Variants in UTRN observed in about 807,000 individuals in gnomAD.
The protein encoded by UTRN is utrophin, also known as dystrophin-related protein 1.
Under a neutral mutation model 463.9 loss-of-function variants are expected in UTRN, and 283 were observed. The observed-to-expected ratio is 0.61, with a 90% CI of 0.55 to 0.67. The LOEUF (loss-of-function observed/expected upper bound fraction) is 0.67, where lower values mean the gene tolerates loss of function less well. UTRN is among the 30% of genes least tolerant of loss of function. UTRN has a pLI of 0.00. For synonymous variants in UTRN, 1,442 were observed against 1,431.5 expected (o/e 1.01, Z -0.17); for missense variants, 3,922 against 4,084.3 (o/e 0.96, Z 1.08).
rs1780135461 is a variant in UTRN at position 144,372,986 on chromosome 6, C to A, written c.80-30137C>A. ...ATAGCGAAATTTTTCTACTTTGTGC[C>A]CACTGGTATGGCTGTAATAAAAATG... On this transcript the variant is annotated intron_variant, in intron 2 of 74. Transcript: ENST00000367545. Among the ~76,000 whole-genome samples the A allele has an allele frequency of 2.6e-5, 4 of 152,160 alleles. No individual in the cohort carries two copies. The South Asian group carries it at 8.3e-4, about 32-fold the overall frequency.
At chr6:144,469,603 G>A (rs533157569) in intron 23 of UTRN, among the ~76,000 whole-genome samples, 4 of 152,150 alleles carry the variant, frequency 2.6e-5, no homozygotes, top group African/African-American at 9.6e-5. Context: ...ATTTTTAGTA[G>A]TGAAAATATT....
At position 144,808,054 on chromosome 6, in the gene UTRN, T is replaced by TAC. The variant is rs141789874; in HGVS notation, c.9357+4920_9357+4921dup. On this transcript the variant is annotated intron_variant, in intron 65 of 74. Transcript: ENST00000367545. ...TAGTGACTTAACTCCATTAGGGAAA[T>TAC]ACACACACACACACGCAGTTAGCAC... Among the ~76,000 whole-genome samples, 20 of 151,732 alleles carry TAC rather than the reference T, an allele frequency of 1.3e-4. 1 individual carries two copies. Among genetic ancestry groups the TAC allele is most frequent in the East Asian group, 5.8e-4 (3 of 5,174 alleles).
intron 54 of UTRN, among the ~76,000 whole-genome samples, chr6:144,744,122 T>TAAAA (rs551256455): frequency 1.9e-5 from 2 of 108,078 alleles, no homozygotes; most frequent in African/African-American, 6.9e-5. Flanking sequence ...ACCTCATCCC[T>TAAAA]AAAAAAAAAA....
chr6:144,444,432 C>G, intron 14 of UTRN, 50 bp downstream of exon 14: 1 of 1,414,018 alleles, frequency 7.1e-7, no homozygotes. Flanking sequence ...AAAAGTAACC[C>G]ATCTTTTATT....
At chr6:144,475,173 G>A (rs1406092200) in intron 25 of UTRN, among the ~76,000 whole-genome samples, 1 of 152,244 alleles carries the variant, frequency 6.6e-6, no homozygotes. Flanking sequence ...GAGGCAGATG[G>A]ATAATGAATA....
chr6:144,663,260 A>G lies in UTRN; in HGVS notation c.7480-15146A>G, dbSNP rs996103881. Reference sequence around the variant, plus strand: ...GCCTGCCAGCAAGCAGGTCCTAATCATCTAACAAAGTGATAAGGGATGAGA... The same window carrying G: ...GCCTGCCAGCAAGCAGGTCCTAATCGTCTAACAAAGTGATAAGGGATGAGA... On this transcript the variant is annotated intron_variant, in intron 51 of 74. Coordinates refer to ENST00000367545, the MANE Select transcript of UTRN (RefSeq NM_007124.3). Among the ~76,000 whole-genome samples, 20 of 152,172 alleles carry G rather than the reference A, an allele frequency of 1.3e-4. 1 individual carries two copies. The highest frequency in any genetic ancestry group is 4.6e-4 in the African/African-American group (19 of 41,438).
intron 19 of UTRN, 140 bp downstream of exon 19, chr6:144,454,009 C>A: frequency 2.9e-6 from 2 of 685,188 alleles, no homozygotes; most frequent in Non-Finnish European, 4.7e-6. Context: ...TGTTTTTAGG[C>A]AGCAGAATCT....
chr6:144,828,990 A>C, intron 69 of UTRN, 135 bp downstream of exon 69: 2 of 941,368 alleles, frequency 2.1e-6, no homozygotes, highest in Non-Finnish European at 1.6e-6. Flanking sequence ...AAAAATTTCT[A>C]CGTAGATTTT....
intron 39 of UTRN, among the ~76,000 whole-genome samples, chr6:144,517,911 C>G (rs1244639323): frequency 1.3e-5 from 2 of 152,214 alleles, no homozygotes; most frequent in East Asian, 3.8e-4. Context: ...CATGACTATA[C>G]TTTAAAAACT....
At chr6:144,344,299 T>C (rs1053552858) in intron 2 of UTRN, 4 of 1,304,118 alleles carry the variant, frequency 3.1e-6, no homozygotes, top group Non-Finnish European at 4.0e-6. Context: ...TGCAAGCGAT[T>C]ACCAGGTAAG....
At chr6:144,524,519 TAATTTTTGTACGTC>T (rs996620679) in intron 41 of UTRN, among the ~76,000 whole-genome samples, 1 of 152,208 alleles carries the variant, frequency 6.6e-6, no homozygotes, top group Non-Finnish European at 1.5e-5. Context: ...TTAGTGCTAC[TAATTTTTGTACGTC>T]AATTTTGTAT....
chr6:144,777,377 C>G (rs577044074), intron 60 of UTRN, among the ~76,000 whole-genome samples: 74 of 152,034 alleles, frequency 4.9e-4, no homozygotes, highest in African/African-American at 1.6e-3. Flanking sequence ...AAATGTGTAC[C>G]ACTCTGTTCC....
chr6:144,673,819 T>C (rs1323917654), intron 51 of UTRN, among the ~76,000 whole-genome samples: 3 of 152,200 alleles, frequency 2.0e-5, no homozygotes, highest in African/African-American at 7.2e-5. Flanking sequence ...CTTTTATGAT[T>C]TCTCGTAGTG....
chr6:144,775,283 G>A (rs180921755), intron 60 of UTRN, among the ~76,000 whole-genome samples: 9 of 152,274 alleles, frequency 5.9e-5, no homozygotes, highest in Admixed American at 5.9e-4. Flanking sequence ...ATTGAGGAAA[G>A]AGAGGTATAA....
At chr6:144,601,984 A>T (rs1014611571) in intron 51 of UTRN, among the ~76,000 whole-genome samples, 4 of 152,302 alleles carry the variant, frequency 2.6e-5, no homozygotes, top group African/African-American at 9.6e-5. Context: ...AAAATATTTT[A>T]AAATTAAGGT....
At chr6:144,591,097 T>G (rs1803019012) in intron 51 of UTRN, among the ~76,000 whole-genome samples, 1 of 152,094 alleles carries the variant, frequency 6.6e-6, no homozygotes, top group Admixed American at 6.6e-5. Context: ...GTCTCTTGGT[T>G]GTGGTGATGG....
chr6:144,636,329 G>T (rs1312324917), intron 51 of UTRN, among the ~76,000 whole-genome samples: 2 of 152,000 alleles, frequency 1.3e-5, no homozygotes, highest in Non-Finnish European at 2.9e-5. Flanking sequence ...CTCATAAGTG[G>T]GAGTTGAACA....
At position 144,603,431 on chromosome 6, in the gene UTRN, A is replaced by T. The variant is rs6938968; in HGVS notation, c.7479+26143A>T. 1.6e-3 allele frequency among the ~76,000 whole-genome samples: 236 copies of T among 152,252 alleles called. 1 individual carries two copies. Among genetic ancestry groups the T allele is most frequent in the African/African-American group, 5.6e-3 (231 of 41,552 alleles). ...TACTCTGATTAGCCTTGAATTTTATAATTTTTATATCTTTGTTAATTTGAG... is the reference window on the plus strand; with the variant it reads ...TACTCTGATTAGCCTTGAATTTTATTATTTTTATATCTTTGTTAATTTGAG... On this transcript the variant is annotated intron_variant, in intron 51 of 74. Coordinates refer to ENST00000367545, the MANE Select transcript of UTRN (RefSeq NM_007124.3).
intron 53 of UTRN, among the ~76,000 whole-genome samples, chr6:144,701,627 A>G (rs1358989073): frequency 6.6e-6 from 1 of 151,686 alleles, no homozygotes; most frequent in African/African-American, 2.4e-5. Flanking sequence ...TGTATTTTTC[A>G]CTCCTCCCAT....
Sources: gnomAD v4.1 joint callset for allele counts (sites outside exome capture counted in the v4.1 genomes callset) on GRCh38, gnomAD v4.1.1 for gene constraint, MANE v1.5 for transcripts, NCBI Gene and HGNC (gene_info 2026-07-23, HGNC 2026-07-21) for gene names.